The following FGD4 variants were observed in gnomAD, a reference collection of about 807,000 sequenced individuals.
FGD4 encodes the protein FYVE, RhoGEF and PH domain containing 4.
In FGD4, 42 loss-of-function variants were observed where a neutral mutation model predicts 102.0. That is an observed-to-expected ratio of 0.41 (90% CI 0.32 to 0.53). FGD4 has a LOEUF of 0.53. FGD4 is among the 20% of genes least tolerant of loss of function. The probability of loss-of-function intolerance (pLI) is 0.21; values close to 1 mark genes in which losing one functional copy is unlikely to be tolerated. For missense variants in FGD4, 902 were observed against 1,078.2 expected (o/e 0.84, Z 2.29); for synonymous variants, 380 against 375.7 (o/e 1.01, Z -0.13).
rs2137100715 is a variant in FGD4, at chr12:32,641,301, G to C, written c.*768G>C. ...ATTTATGTTTTGCTGATTGGCATTT[G>C]AGGGTATTGATATTTTTATAATAAG... On this transcript the variant is annotated 3_prime_UTR_variant, in exon 17 of 17. Coordinates refer to ENST00000534526, the MANE Select transcript of FGD4 (RefSeq NM_001370298.3). 1 of 152,252 alleles carries C rather than the reference G, an allele frequency of 6.6e-6. No homozygotes were observed. The highest frequency in any genetic ancestry group is 2.1e-4 in the South Asian group (1 of 4,828). The allele number at this position is 152,252 out of a possible 1,614,324, so 9.4% of individuals were successfully genotyped here. A position where few individuals can be genotyped will look rare whatever the true frequency, so the allele number is the denominator to read the frequency against.
In FGD4 at chr12:32,595,874, T is replaced by C. The variant is rs149637188; in HGVS notation, c.1012-2623T>C. On this transcript the variant is annotated intron_variant, in intron 4 of 16. Transcript: ENST00000534526. ...TATTATATTGCTATACCTGAGGACT[T>C]CACCTAAAAATACCTCATTTCAATG... 7.9e-5 allele frequency among the ~76,000 whole-genome samples: 12 copies of C among 152,316 alleles called. No individual in the cohort carries two copies. In the East Asian group the frequency reaches 2.1e-3, roughly 27 times the overall value.
chr12:32,589,615 T>A (rs1473860667), intron 4 of FGD4, among the ~76,000 whole-genome samples: 1 of 152,250 alleles, frequency 6.6e-6, no homozygotes, highest in African/African-American at 2.4e-5. Context: ...TAACTTACAC[T>A]ACATAGATTA....
intron 1 of FGD4, among the ~76,000 whole-genome samples, chr12:32,518,712 T>C (rs923872808): frequency 7.9e-5 from 12 of 152,150 alleles, no homozygotes; most frequent in African/African-American, 2.4e-4. Context: ...AGTGGAATTC[T>C]GGCAATACTT....
At chr12:32,520,437 T>TG (rs1426921482) in intron 1 of FGD4, among the ~76,000 whole-genome samples, 11 of 143,120 alleles carry the variant, frequency 7.7e-5, no homozygotes, top group African/African-American at 2.3e-4. Context: ...TTTTTTGTTT[T>TG]TTGTTTTTTT....
chr12:32,608,697 C>T (rs536890705), intron 8 of FGD4, among the ~76,000 whole-genome samples: 6 of 152,210 alleles, frequency 3.9e-5, no homozygotes, highest in Non-Finnish European at 7.4e-5. Context: ...TGCACTTTTA[C>T]AAATCAACTG....
chr12:32,549,701 G>A lies in FGD4; in HGVS notation c.167-14436G>A, dbSNP rs1943499746. Among the ~76,000 whole-genome samples, 3 of 152,338 alleles carry A rather than the reference G, an allele frequency of 2.0e-5. No individual in the cohort carries two copies. The South Asian group carries it at 6.2e-4, about 32-fold the overall frequency. On this transcript the variant is annotated intron_variant, in intron 1 of 16. Coordinates refer to ENST00000534526, the MANE Select transcript of FGD4 (RefSeq NM_001370298.3). ...GATTGAAAATGAGGGCACATGGTGT[G>A]TTTAGGGACGGCTGAGGCCAGTGAA...
chr12:32,580,568 C>A (rs1181519479), intron 3 of FGD4, among the ~76,000 whole-genome samples: 1 of 152,086 alleles, frequency 6.6e-6, no homozygotes, highest in East Asian at 1.9e-4. Context: ...CCATTCCCCA[C>A]CCCACTCCCA....
intron 1 of FGD4, among the ~76,000 whole-genome samples, chr12:32,430,843 C>T (rs1363442126): frequency 6.6e-6 from 1 of 152,142 alleles, no homozygotes; most frequent in Non-Finnish European, 1.5e-5. Context: ...TAATTAGAGC[C>T]CCTCTGTAGT....
intron 1 of FGD4, among the ~76,000 whole-genome samples, chr12:32,533,474 G>A (rs1234986889): frequency 6.6e-6 from 1 of 152,202 alleles, no homozygotes; most frequent in South Asian, 2.1e-4. Flanking sequence ...CACCGAGGCT[G>A]GAGTGCAGCG....
intron 1 of FGD4, among the ~76,000 whole-genome samples, chr12:32,527,543 T>C (rs1359290431): frequency 1.3e-5 from 2 of 152,118 alleles, no homozygotes; most frequent in Non-Finnish European, 1.5e-5. Context: ...GATTCCCCTG[T>C]TTCAGCCTCC....
At position 32,499,652 on chromosome 12, in the gene FGD4, T is replaced by C. The variant is rs992678707; in HGVS notation, c.167-64485T>C. 7.9e-4 allele frequency among the ~76,000 whole-genome samples: 121 copies of C among 152,202 alleles called. 1 individual carries two copies. The highest frequency in any genetic ancestry group is 7.7e-3 in the Admixed American group (118 of 15,284). On this transcript the variant is annotated intron_variant, in intron 1 of 16. Coordinates refer to ENST00000534526, the MANE Select transcript of FGD4 (RefSeq NM_001370298.3). Reference sequence around the variant, plus strand: ...TTGGAAACTGGAGAAAGAAAATAAGTCCAATATTTCTTCCTCACAGGTACT... The same window carrying C: ...TTGGAAACTGGAGAAAGAAAATAAGCCCAATATTTCTTCCTCACAGGTACT...
chr12:32,470,358 G>C (rs1172679856), intron 1 of FGD4, among the ~76,000 whole-genome samples: 1 of 152,104 alleles, frequency 6.6e-6, no homozygotes, highest in Non-Finnish European at 1.5e-5. Flanking sequence ...ACAAGTTTTT[G>C]CTGGAAGTAT....
chr12:32,428,291 G>A lies in FGD4; in HGVS notation c.166+28332G>A, dbSNP rs188704542. ...AAAATCTCTCAGCATTTGCTTGTCT[G>A]TAAAGGATTTTATTTCTCCTTTGCT... On this transcript the variant is annotated intron_variant, in intron 1 of 16. Transcript: ENST00000534526. 1.6e-4 allele frequency among the ~76,000 whole-genome samples: 24 copies of A among 152,282 alleles called. No homozygotes were observed. The East Asian group carries it at 4.4e-3, about 28-fold the overall frequency.
At chr12:32,476,315 TTTAATGGCTTA>T (rs1943583406) in intron 1 of FGD4, among the ~76,000 whole-genome samples, 1 of 152,206 alleles carries the variant, frequency 6.6e-6, no homozygotes, top group Non-Finnish European at 1.5e-5. Context: ...AATTTCAAAA[TTTAATGGCTTA>T]AAAACAAGTA....
At chr12:32,489,272 C>T (rs1944013545) in intron 1 of FGD4, among the ~76,000 whole-genome samples, 1 of 152,160 alleles carries the variant, frequency 6.6e-6, no homozygotes, top group African/African-American at 2.4e-5. Flanking sequence ...TCTCTCCTGC[C>T]CATTTGTTTA....
chr12:32,638,189 C>G (rs114984825), intron 15 of FGD4, among the ~76,000 whole-genome samples: 1,694 of 152,206 alleles, frequency 0.011, 23 homozygotes, highest in African/African-American at 0.037. Context: ...TAGTGAGACC[C>G]TGTTTCTACA....
At chr12:32,593,620 A>G (rs1330177548) in intron 4 of FGD4, among the ~76,000 whole-genome samples, 1 of 152,212 alleles carries the variant, frequency 6.6e-6, no homozygotes, top group Non-Finnish European at 1.5e-5. Flanking sequence ...TAAGCTTCCT[A>G]TTTAAGATCC....
intron 1 of FGD4, among the ~76,000 whole-genome samples, chr12:32,519,832 A>G (rs954089360): frequency 4.6e-5 from 7 of 152,118 alleles, no homozygotes; most frequent in African/African-American, 1.7e-4. Context: ...TTGTAGTCCC[A>G]TCTACTTGGG....
intron 14 of FGD4, among the ~76,000 whole-genome samples, chr12:32,626,276 CT>C (rs1221773256): frequency 1.3e-5 from 2 of 152,118 alleles, no homozygotes; most frequent in Admixed American, 1.3e-4. Context: ...GAAATCCCGT[CT>C]TTACTAAAAA....
Sources: gnomAD v4.1 joint callset for allele counts (sites outside exome capture counted in the v4.1 genomes callset) on GRCh38, gnomAD v4.1.1 for gene constraint, MANE v1.5 for transcripts, NCBI Gene and HGNC (gene_info 2026-07-23, HGNC 2026-07-21) for gene names.